The following EXOC2 variants were observed in gnomAD, a reference collection of about 807,000 sequenced individuals.
EXOC2 encodes the protein SEC5-like 1.
Under a neutral mutation model 131.8 loss-of-function variants are expected in EXOC2, and 70 were observed. The observed-to-expected ratio is 0.53, with a 90% CI of 0.44 to 0.65. The LOEUF is 0.65. Ranked by LOEUF, EXOC2 falls within the 30% of genes least tolerant of loss-of-function variation. EXOC2 has a pLI of 0.00. For missense variants in EXOC2, 923 were observed against 1,108.6 expected, an observed-to-expected ratio of 0.83 and a Z score of 2.38; for synonymous variants, 411 against 398.4, an observed-to-expected ratio of 1.03 and a Z score of -0.38.
At chr6:582,975 A>G (rs1385606367) in intron 11 of EXOC2, among the ~76,000 whole-genome samples, 1 of 152,112 alleles carries the variant, frequency 6.6e-6, no homozygotes, top group Non-Finnish European at 1.5e-5. Flanking sequence ...TAAAAGCAAA[A>G]CTACAGGTAT....
chr6:488,538 TG>T (rs1247506894), intron 27 of EXOC2, among the ~76,000 whole-genome samples: 7 of 152,214 alleles, frequency 4.6e-5, no homozygotes, highest in Admixed American at 3.9e-4. Context: ...CATAACATTT[TG>T]TATTTTATAG....
chr6:570,903 T>C (rs1758242901), intron 13 of EXOC2, among the ~76,000 whole-genome samples: 1 of 152,160 alleles, frequency 6.6e-6, no homozygotes, highest in Non-Finnish European at 1.5e-5. Context: ...GAGAGGAAGC[T>C]GGTGCCTGCG....
chr6:619,551 G>A lies in EXOC2; in HGVS notation c.423-8C>T, dbSNP rs1187304327. 2.5e-6 allele frequency: 4 copies of A among 1,588,670 alleles called. No homozygotes were observed. The highest frequency in any genetic ancestry group is 3.5e-6 in the Non-Finnish European group (4 of 1,158,958). On this transcript the variant is annotated splice_polypyrimidine_tract_variant and splice_region_variant and intron_variant, in intron 4 of 27. Transcript: ENST00000230449. ...TTCTGCGAAAATTTACTTCTGAGGG[G>A]AAAAAACGTTTAAAATATATTTCAA...
At chr6:608,810 A>G (rs1231451699) in intron 7 of EXOC2, among the ~76,000 whole-genome samples, 1 of 152,232 alleles carries the variant, frequency 6.6e-6, no homozygotes, top group Non-Finnish European at 1.5e-5. Flanking sequence ...ACTGAAGTAA[A>G]CATGTTTTTT....
At chr6:651,719 T>C (rs1010234503) in intron 1 of EXOC2, among the ~76,000 whole-genome samples, 1 of 151,558 alleles carries the variant, frequency 6.6e-6, no homozygotes, top group African/African-American at 2.4e-5. Context: ...GAAGTGCTCA[T>C]GAGGGCAGAA....
At chr6:688,447 T>G (rs952461080) in intron 1 of EXOC2, among the ~76,000 whole-genome samples, 1 of 152,138 alleles carries the variant, frequency 6.6e-6, no homozygotes, top group East Asian at 1.9e-4. Context: ...ACAACAACGA[T>G]ACAACTGAGC....
At chr6:500,794 A>G (rs1019490140) in intron 23 of EXOC2, among the ~76,000 whole-genome samples, 1 of 152,066 alleles carries the variant, frequency 6.6e-6, no homozygotes, top group Non-Finnish European at 1.5e-5. Flanking sequence ...CAGTAACAAC[A>G]TTAAGGAAAA....
chr6:514,413 G>A (rs1765020878), intron 23 of EXOC2, among the ~76,000 whole-genome samples: 1 of 152,200 alleles, frequency 6.6e-6, no homozygotes, highest in African/African-American at 2.4e-5. Flanking sequence ...CTGGTTTTGG[G>A]AGAAAGTCAC....
intron 23 of EXOC2, among the ~76,000 whole-genome samples, chr6:514,002 GA>G (rs906001175): frequency 8.5e-5 from 13 of 152,198 alleles, no homozygotes; most frequent in Non-Finnish European, 1.6e-4. Context: ...TTAGCTTGCT[GA>G]AAAATGATAT....
intron 1 of EXOC2, among the ~76,000 whole-genome samples, chr6:672,793 G>A (rs1763931433): frequency 6.6e-6 from 1 of 152,164 alleles, no homozygotes; most frequent in South Asian, 2.1e-4. Flanking sequence ...GATTCGAGTG[G>A]TGACTTCCAA....
chr6:657,165 T>TCC (rs1763171557), intron 1 of EXOC2: 1 of 402,008 alleles, frequency 2.5e-6, no homozygotes, highest in African/African-American at 2.1e-5. Context: ...GTTCTCACCT[T>TCC]CCCTCCAGCC....
intron 22 of EXOC2, among the ~76,000 whole-genome samples, chr6:532,880 T>A (rs534265094): frequency 2.0e-5 from 3 of 152,180 alleles, no homozygotes. Context: ...TTAGGTAATT[T>A]ATAAAAGAAA....
intron 7 of EXOC2, among the ~76,000 whole-genome samples, chr6:607,631 T>C (rs1760490479): frequency 6.6e-6 from 1 of 152,258 alleles, no homozygotes; most frequent in African/African-American, 2.4e-5. Context: ...ATTCCTCAGT[T>C]GTACTAGTCA....
chr6:681,468 C>G (rs1235761497), intron 1 of EXOC2, among the ~76,000 whole-genome samples: 1 of 152,142 alleles, frequency 6.6e-6, no homozygotes. Flanking sequence ...TTTCTCCCCC[C>G]ACCAAAGAAG....
Position 617,718 on chromosome 6 carries a change from G to A in EXOC2, c.654C>T (p.Ala218=), listed in dbSNP as rs772225868. Residue 218 remains alanine (A), a synonymous_variant, in exon 6 of 28, where the codon GCC becomes GCT. Coordinates refer to ENST00000230449, the MANE Select transcript of EXOC2 (RefSeq NM_018303.6). ...CTCTGAGGATCGCCTTACCTGAGAGGGCATCCTGTGCTTCGAAGAATGTAC... is the reference window on the plus strand; with the variant it reads ...CTCTGAGGATCGCCTTACCTGAGAGAGCATCCTGTGCTTCGAAGAATGTAC... ...GLSTFFEAQD[A]LSAIHQKLEA... is the part of the protein sequence containing the mutation. The A allele has an allele frequency of 6.2e-6, 10 of 1,611,950 alleles. No homozygotes were observed. Among genetic ancestry groups the A allele is most frequent in the Middle Eastern group, 1.7e-4 (1 of 6,058 alleles).
At chr6:526,736 G>A (rs1487504382) in intron 23 of EXOC2, among the ~76,000 whole-genome samples, 3 of 152,036 alleles carry the variant, frequency 2.0e-5, no homozygotes, top group South Asian at 2.1e-4. Context: ...CACCGCGCCC[G>A]GCTCTTCGTG....
At chr6:487,139 C>A (rs1289407533) in intron 27 of EXOC2, among the ~76,000 whole-genome samples, 3 of 152,118 alleles carry the variant, frequency 2.0e-5, no homozygotes, top group Non-Finnish European at 2.9e-5. Context: ...AAAGCCATAC[C>A]GGAGTGTAAC....
intron 26 of EXOC2, among the ~76,000 whole-genome samples, chr6:490,820 A>C (rs1327385603): frequency 6.6e-6 from 1 of 152,258 alleles, no homozygotes; most frequent in Non-Finnish European, 1.5e-5. Context: ...TATTTACAGC[A>C]CTTGAGCTGT....
chr6:556,990 A>G (rs141990869), intron 17 of EXOC2, among the ~76,000 whole-genome samples: 1 of 152,362 alleles, frequency 6.6e-6, no homozygotes, highest in East Asian at 1.9e-4. Context: ...AATGATAATA[A>G]TAATGACCTA....
Sources: allele counts gnomAD v4.1 joint callset (sites outside exome capture counted in the v4.1 genomes callset), GRCh38; gene constraint gnomAD v4.1.1; transcripts MANE v1.5; gene names NCBI Gene and HGNC (gene_info 2026-07-23, HGNC 2026-07-21).